The following TMPRSS9 variants were observed in gnomAD, a reference collection of about 807,000 sequenced individuals.
TMPRSS9 encodes the protein transmembrane protease serine 9.
TMPRSS9 carries 113 observed loss-of-function variants against 111.4 expected under a neutral mutation model. The observed-to-expected ratio is 1.01, with a 90% CI of 0.87 to 1.19. The LOEUF is 1.19. Ranked by LOEUF, TMPRSS9 falls within the 50% of genes most tolerant of loss-of-function variation. TMPRSS9 has a pLI of 0.00. For synonymous variants in TMPRSS9, 805 were observed against 659.1 expected (o/e 1.22, Z -3.39); for missense variants, 1,803 against 1,513.1 (o/e 1.19, Z -3.18).
intron 1 of TMPRSS9, among the ~76,000 whole-genome samples, chr19:2,373,261 C>G (rs1347199361): frequency 2.0e-5 from 3 of 152,102 alleles, no homozygotes; most frequent in African/African-American, 7.2e-5. Flanking sequence ...GACACAGTCT[C>G]ACTCTGTCGC....
intron 6 of TMPRSS9, among the ~76,000 whole-genome samples, chr19:2,403,956 G>A (rs11665932): frequency 0.19 from 27,286 of 143,614 alleles, 2,795 homozygotes; most frequent in African/African-American, 0.27. Context: ...TCACGCCACT[G>A]CACTCCAGCC....
At chr19:2,364,412 TTTG>T (rs1027667996) in intron 1 of TMPRSS9, among the ~76,000 whole-genome samples, 11 of 152,048 alleles carry the variant, frequency 7.2e-5, no homozygotes, top group Non-Finnish European at 1.2e-4. Flanking sequence ...TAAGGCTTCC[TTTG>T]TTGTTGTTGT....
At chr19:2,379,029 G>T (rs1032109726) in intron 1 of TMPRSS9, among the ~76,000 whole-genome samples, 1 of 152,052 alleles carries the variant, frequency 6.6e-6, no homozygotes, top group Non-Finnish European at 1.5e-5. Flanking sequence ...AACTACAATT[G>T]AAGATGAGAT....
At chr19:2,410,537 T>C (rs1425079414) in intron 9 of TMPRSS9, 143 bp downstream of exon 10, 2 of 1,219,700 alleles carry the variant, frequency 1.6e-6, no homozygotes, top group Non-Finnish European at 2.2e-6. Context: ...CACGAGCGTG[T>C]TCAAATGCTG....
intron 11 of TMPRSS9, 167 bp from the exon 13 acceptor site, chr19:2,416,371 A>G (rs1342947782): frequency 1.2e-5 from 10 of 854,034 alleles, no homozygotes; most frequent in Non-Finnish European, 5.2e-6. Flanking sequence ...GGAGCCCAGC[A>G]GCCCCTCTTT....
At chr19:2,368,774 G>GCTTTTTTTTT (rs1970265914) in intron 1 of TMPRSS9, among the ~76,000 whole-genome samples, 1 of 70,366 alleles carries the variant, frequency 1.4e-5, no homozygotes, top group African/African-American at 6.0e-5. Context: ...GATAAACCCA[G>GCTTTTTTTTT]TTTTTTTTTT....
At chr19:2,365,481 C>A (rs1185381163) in intron 1 of TMPRSS9, among the ~76,000 whole-genome samples, 2 of 152,070 alleles carry the variant, frequency 1.3e-5, no homozygotes, top group East Asian at 3.8e-4. Flanking sequence ...ATAAGAGAGG[C>A]CATGGCGTAG....
chr19:2,384,038 G>T (rs1324235539), intron 1 of TMPRSS9, among the ~76,000 whole-genome samples: 1 of 151,972 alleles, frequency 6.6e-6, no homozygotes. Flanking sequence ...TCATCCCCAC[G>T]GGTGTCCAGA....
chr19:2,392,001 G>C (rs1051665172), intron 1 of TMPRSS9, among the ~76,000 whole-genome samples: 1 of 151,886 alleles, frequency 6.6e-6, no homozygotes, highest in African/African-American at 2.4e-5. Context: ...CTTGGCCTCC[G>C]AAAGTGCTGG....
At chr19:2,380,175 T>C (rs1251034814) in intron 1 of TMPRSS9, among the ~76,000 whole-genome samples, 2 of 151,520 alleles carry the variant, frequency 1.3e-5, no homozygotes, top group Non-Finnish European at 2.9e-5. Flanking sequence ...ATGCAGAGAG[T>C]CATGAGACTG....
At chr19:2,417,942 G>C in intron 12 of TMPRSS9, 60 bp from the exon 14 acceptor site, 7 of 1,604,332 alleles carry the variant, frequency 4.4e-6, no homozygotes, top group Non-Finnish European at 5.9e-6. Context: ...TATCGGAGCG[G>C]AACTGGAGCT....
At chr19:2,384,738 C>T in intron 1 of TMPRSS9, among the ~76,000 whole-genome samples, 1 of 149,732 alleles carries the variant, frequency 6.7e-6, no homozygotes, top group Non-Finnish European at 1.5e-5. Flanking sequence ...TGGTGTGAAC[C>T]TGGGAAATGG....
chr19:2,424,305 C>T (rs1324113753), intron 15 of TMPRSS9, 48 bp downstream of exon 16: 7 of 1,304,398 alleles, frequency 5.4e-6, no homozygotes, highest in Non-Finnish European at 6.9e-6. Flanking sequence ...TGTAGCTCAC[C>T]CGGAACCGAA....
At chr19:2,425,074 G>A (rs1455790107) in exon 16 of TMPRSS9, 2 of 1,573,482 alleles carry the variant, frequency 1.3e-6, no homozygotes, top group African/African-American at 1.3e-5. Flanking sequence ...GGCAGCTGGA[G>A]CGCGTGGCGC....
At chr19:2,426,042 G>A (rs760550411) in exon 18 of TMPRSS9, 3 of 1,609,376 alleles carry the variant, frequency 1.9e-6, no homozygotes, top group Non-Finnish European at 2.5e-6. Flanking sequence ...GTCTATACCC[G>A]GGTGGCAGCT....
At position 2,413,829 on chromosome 19, in the gene TMPRSS9, C is replaced by T. The variant is rs150090870; in HGVS notation, c.1384C>T (p.Arg462Cys). Residue 462 changes from arginine to cysteine, a missense_variant, in exon 10 of 18, where the codon CGT becomes TGT. Coordinates refer to ENST00000648592, the Ensembl canonical transcript of TMPRSS9. The stretch of plus-strand genomic sequence containing the variant: ...GGTCTATGCCCGAGTCACCAGGCTA[C>T]GTGACTGGATCCTGGAGGCCACCAC... 130 of 1,613,750 alleles carry T rather than the reference C, an allele frequency of 8.1e-5. 2 individuals carry two copies. The highest frequency in any genetic ancestry group is 2.7e-4 in the East Asian group (12 of 44,878).
At chr19:2,402,693 G>A (rs1970876802) in intron 5 of TMPRSS9, among the ~76,000 whole-genome samples, 1 of 152,086 alleles carries the variant, frequency 6.6e-6, no homozygotes, top group Non-Finnish European at 1.5e-5. Flanking sequence ...AGCCGCGATT[G>A]TGCCATTGCA....
intron 10 of TMPRSS9, among the ~76,000 whole-genome samples, chr19:2,415,361 A>T (rs2145375942): frequency 6.6e-6 from 1 of 152,166 alleles, no homozygotes; most frequent in South Asian, 2.1e-4. Context: ...CGTCTTTGCA[A>T]GGAGGCCATA....
At chr19:2,418,381 C>G (rs1971331030) in intron 13 of TMPRSS9, among the ~76,000 whole-genome samples, 2 of 49,900 alleles carry the variant, frequency 4.0e-5, no homozygotes, top group African/African-American at 2.0e-4. Context: ...CCCTCCCTCC[C>G]TTTCCTTCCC....
Sources: gnomAD v4.1 joint callset for allele counts (sites outside exome capture counted in the v4.1 genomes callset) on GRCh38, gnomAD v4.1.1 for gene constraint, MANE v1.5 for transcripts, NCBI Gene and HGNC (gene_info 2026-07-23, HGNC 2026-07-21) for gene names.